The following ATAD1 variants were observed in gnomAD, a reference collection of about 807,000 sequenced individuals.
ATAD1 encodes outer mitochondrial transmembrane helix translocase.
Under a neutral mutation model 42.7 loss-of-function variants are expected in ATAD1, and 18 were observed. That is an observed-to-expected ratio of 0.42 (90% CI 0.29 to 0.63). The LOEUF is 0.63. Among genes scored for constraint, ATAD1 ranks in the 20% least tolerant of loss-of-function variants. The pLI, the probability that ATAD1 is intolerant of heterozygous loss-of-function variation, is 0.19. For synonymous variants in ATAD1, 132 were observed against 143.1 expected (o/e 0.92, Z 0.55); for missense variants, 294 against 440.4 (o/e 0.67, Z 2.98).
At chr10:87,759,152 C>T (rs973200545) in intron 8 of ATAD1, among the ~76,000 whole-genome samples, 2 of 151,982 alleles carry the variant, frequency 1.3e-5, no homozygotes, top group Non-Finnish European at 2.9e-5. Flanking sequence ...CTCATGTGTC[C>T]TTAAGAAACA....
At position 87,754,555 on chromosome 10, in the gene ATAD1, G is replaced by T; in HGVS notation, c.*132C>A. On this transcript the variant is annotated 3_prime_UTR_variant, in exon 10 of 10. Coordinates refer to ENST00000680024, the MANE Select transcript of ATAD1 (RefSeq NM_001321967.2). ...GTAACAACTATATCTCAATAACTTA[G>T]AATTCAGAGTATAAAACCATAAACA... 1 of 1,076,430 alleles carries T rather than the reference G, an allele frequency of 9.3e-7. No homozygotes were observed. The highest frequency in any genetic ancestry group is 1.3e-6 in the Non-Finnish European group (1 of 784,710). The allele number at this position is 1,076,430 out of a possible 1,614,324, so 66.7% of individuals were successfully genotyped here. A position where few individuals can be genotyped will look rare whatever the true frequency, so the allele number is the denominator to read the frequency against.
chr10:87,751,931 C>T lies in ATAD1; in HGVS notation c.*2756G>A, dbSNP rs1854035422. The T allele has an allele frequency of 6.6e-6, 1 of 152,112 alleles. No individual in the cohort carries two copies. The highest frequency in any genetic ancestry group is 1.5e-5 in the Non-Finnish European group (1 of 68,018). The allele number at this position is 152,112 out of a possible 1,614,324, so 9.4% of individuals were successfully genotyped here. A position where few individuals can be genotyped will look rare whatever the true frequency, so the allele number is the denominator to read the frequency against. ...AAAATAACAATTCAAGTAAAAAATTCCTACCAACGAGATGATGTTGCCACC... is the reference window on the plus strand; with the variant it reads ...AAAATAACAATTCAAGTAAAAAATTTCTACCAACGAGATGATGTTGCCACC... On this transcript the variant is annotated 3_prime_UTR_variant, in exon 10 of 10. Transcript: ENST00000680024.
intron 2 of ATAD1, among the ~76,000 whole-genome samples, chr10:87,799,364 G>A (rs913744821): frequency 6.6e-6 from 1 of 152,198 alleles, no homozygotes. Context: ...GCTACATCTT[G>A]AAGTTAGTAA....
upstream of ATAD1, chr10:87,819,150 A>G (rs1374788050): frequency 6.6e-6 from 1 of 151,218 alleles, no homozygotes; most frequent in Non-Finnish European, 1.5e-5. Context: ...CAGCTTGGCC[A>G]GCGCGGTGGC....
chr10:87,787,291 T>C (rs1993845), intron 4 of ATAD1, among the ~76,000 whole-genome samples: 44,618 of 152,062 alleles, frequency 0.29, 6,753 homozygotes, highest in Non-Finnish European at 0.31. Context: ...TTTTTGGTAA[T>C]GGCTTTACTT....
At chr10:87,838,844 T>C (rs183247668) in intron 1 of ATAD1, among the ~76,000 whole-genome samples, 16 of 152,342 alleles carry the variant, frequency 1.1e-4, no homozygotes, top group Admixed American at 7.8e-4. Flanking sequence ...GCTGGCACCT[T>C]GATTCGGGAC....
chr10:87,764,305 AC>A (rs1400409057), intron 8 of ATAD1, among the ~76,000 whole-genome samples: 1 of 152,076 alleles, frequency 6.6e-6, no homozygotes, highest in African/African-American at 2.4e-5. Flanking sequence ...ATGAAAAAAT[AC>A]AAAAAATTGG....
intron 8 of ATAD1, among the ~76,000 whole-genome samples, chr10:87,757,812 G>C (rs1854292366): frequency 6.6e-6 from 1 of 152,112 alleles, no homozygotes; most frequent in Non-Finnish European, 1.5e-5. Flanking sequence ...TGTATACGTG[G>C]AAGACACAGT....
intron 8 of ATAD1, among the ~76,000 whole-genome samples, chr10:87,757,829 G>T (rs1451905235): frequency 6.6e-6 from 1 of 152,108 alleles, no homozygotes; most frequent in Non-Finnish European, 1.5e-5. Context: ...CAGTGTTTTA[G>T]GAAGAACAGC....
At chr10:87,767,835 G>A in intron 7 of ATAD1, 112 bp from the exon 8 acceptor site, 2 of 1,012,428 alleles carry the variant, frequency 2.0e-6, no homozygotes, top group Middle Eastern at 3.3e-4. Context: ...TACTTATAAG[G>A]AGATGACAGA....
At chr10:87,799,266 A>C (rs1306020515) in intron 2 of ATAD1, among the ~76,000 whole-genome samples, 1 of 152,204 alleles carries the variant, frequency 6.6e-6, no homozygotes, top group African/African-American at 2.4e-5. Flanking sequence ...CATAGGGATT[A>C]AAAACCATAA....
intron 3 of ATAD1, among the ~76,000 whole-genome samples, chr10:87,791,071 G>A (rs1856081748): frequency 6.7e-6 from 1 of 149,532 alleles, no homozygotes; most frequent in African/African-American, 2.5e-5. Flanking sequence ...CAGGTGTAGT[G>A]GTGTGTGCCT....
intron 7 of ATAD1, among the ~76,000 whole-genome samples, chr10:87,770,665 T>A (rs924237414): frequency 2.0e-5 from 3 of 152,198 alleles, no homozygotes; most frequent in Non-Finnish European, 2.9e-5. Flanking sequence ...TTCTTATGTA[T>A]CTTCCTGTAT....
intron 1 of ATAD1, among the ~76,000 whole-genome samples, chr10:87,831,095 T>C (rs184751739): frequency 6.6e-6 from 1 of 152,338 alleles, no homozygotes; most frequent in Admixed American, 6.5e-5. Flanking sequence ...GGTTTTCTCA[T>C]GTATAAAAAA....
chr10:87,759,609 A>C (rs1415010249), intron 8 of ATAD1: 1 of 330,006 alleles, frequency 3.0e-6, no homozygotes, highest in African/African-American at 2.2e-5. Flanking sequence ...AAGATGATAC[A>C]GTTAGAAAGA....
At chr10:87,792,058 A>C (rs1046490652) in intron 3 of ATAD1, among the ~76,000 whole-genome samples, 1 of 152,270 alleles carries the variant, frequency 6.6e-6, no homozygotes, top group African/African-American at 2.4e-5. Flanking sequence ...TACTAAACAA[A>C]TGCGTACAGA....
At chr10:87,771,278 GA>G (rs1338476824) in intron 6 of ATAD1, among the ~76,000 whole-genome samples, 1 of 151,996 alleles carries the variant, frequency 6.6e-6, no homozygotes, top group Non-Finnish European at 1.5e-5. Flanking sequence ...TGTCTTTCTA[GA>G]AATTAAAGTA....
intron 5 of ATAD1, among the ~76,000 whole-genome samples, chr10:87,783,058 G>A (rs1215219066): frequency 6.6e-6 from 1 of 151,836 alleles, no homozygotes; most frequent in Non-Finnish European, 1.5e-5. Flanking sequence ...CCCAGTTAAA[G>A]AGAAGCTTAG....
At chr10:87,785,193 G>C (rs1438105141) in intron 4 of ATAD1, among the ~76,000 whole-genome samples, 1 of 151,950 alleles carries the variant, frequency 6.6e-6, no homozygotes, top group African/African-American at 2.4e-5. Flanking sequence ...AATTTCCAAA[G>C]AATAAAACTA....
Sources: allele counts gnomAD v4.1 joint callset (sites outside exome capture counted in the v4.1 genomes callset), GRCh38; gene constraint gnomAD v4.1.1; transcripts MANE v1.5; gene names NCBI Gene and HGNC (gene_info 2026-07-23, HGNC 2026-07-21).